CUL2: variants seen among roughly 807,000 people sequenced by gnomAD.
The protein encoded by CUL2 is cullin-2.
CUL2 carries 22 observed loss-of-function variants against 110.2 expected under a neutral mutation model. The observed-to-expected ratio is 0.20, with a 90% CI of 0.14 to 0.28. The LOEUF (loss-of-function observed/expected upper bound fraction) is 0.28, where lower values mean the gene tolerates loss of function less well. CUL2 is among the 10% of genes least tolerant of loss of function. The pLI, the probability that CUL2 is intolerant of heterozygous loss-of-function variation, is 1.00. For missense variants in CUL2, 631 were observed against 905.5 expected (o/e 0.70, Z 3.89); for synonymous variants, 279 against 293.2 (o/e 0.95, Z 0.49).
At chr10:35,065,457 A>G (rs2086493747) in intron 2 of CUL2, among the ~76,000 whole-genome samples, 1 of 152,058 alleles carries the variant, frequency 6.6e-6, no homozygotes, top group Non-Finnish European at 1.5e-5. Context: ...CATCTCTACT[A>G]AAACACAAAA....
chr10:35,041,205 T>C (rs903276336), intron 8 of CUL2, among the ~76,000 whole-genome samples: 1 of 152,248 alleles, frequency 6.6e-6, no homozygotes, highest in African/African-American at 2.4e-5. Context: ...CTATAGTGAC[T>C]TTAATCTGCT....
Position 35,038,991 on chromosome 10 carries a change from C to A in CUL2, c.806G>T (p.Arg269Leu). Residue 269 changes from arginine to leucine, a missense_variant, in exon 9 of 21, where the codon CGA becomes CTA. Around this residue, in one of 3 missense-constraint regions of CUL2, gnomAD observed 338 missense variants for 442.5 expected, o/e 0.76. Coordinates refer to ENST00000374749, the MANE Select transcript of CUL2 (RefSeq NM_003591.4). ...AAACTGTAAGTGGTCTGCTACCATT[C>A]GTTGTTGACATTCATGAATCACCTT... is the stretch of plus-strand genomic sequence containing the variant. ...YTKVIHECQQ[R>L]MVADHLQFLH... The A allele has an allele frequency of 1.9e-6, 3 of 1,609,862 alleles. No individual in the cohort carries two copies. Among genetic ancestry groups the A allele is most frequent in the Non-Finnish European group, 2.5e-6 (3 of 1,177,500 alleles).
chr10:35,018,124 A>AC (rs2085086037), intron 17 of CUL2, among the ~76,000 whole-genome samples: 1 of 148,062 alleles, frequency 6.8e-6, no homozygotes, highest in Non-Finnish European at 1.5e-5. Context: ...TAAAAATACA[A>AC]AAAAAAAAAA....
intron 5 of CUL2, 51 bp downstream of exon 5, chr10:35,054,383 C>T (rs1403948003): frequency 1.0e-6 from 1 of 958,086 alleles, no homozygotes; most frequent in Non-Finnish European, 1.6e-6. Flanking sequence ...CAAATTACCT[C>T]AGTGTATAAA....
chr10:35,126,856 T>C (rs1266199219), upstream of CUL2: 2 of 152,186 alleles, frequency 1.3e-5, no homozygotes, highest in Non-Finnish European at 2.9e-5. Flanking sequence ...ATTGTTGGAT[T>C]GTGGCGCTTC....
intron 1 of CUL2, among the ~76,000 whole-genome samples, chr10:35,082,801 G>A (rs1229930666): frequency 1.3e-5 from 2 of 152,118 alleles, no homozygotes; most frequent in African/African-American, 4.8e-5. Context: ...AGGACTACTT[G>A]GGGATCTTTC....
intron 1 of CUL2, among the ~76,000 whole-genome samples, chr10:35,109,760 C>A (rs1295976124): frequency 6.6e-6 from 1 of 152,172 alleles, no homozygotes. Context: ...AAGACCAAAG[C>A]CAAATCTTGT....
At position 35,054,452 on chromosome 10, in the gene CUL2, TG is replaced by T; in HGVS notation, c.404del (p.Pro135HisfsTer5). The T allele has an allele frequency of 6.3e-7, 1 of 1,574,806 alleles. No individual in the cohort carries two copies. The highest frequency in any genetic ancestry group is 1.4e-5 in the African/African-American group (1 of 73,108). On this transcript the variant is annotated frameshift_variant, in exon 5 of 21. Coordinates refer to ENST00000374749, the MANE Select transcript of CUL2 (RefSeq NM_003591.4). LOFTEE classifies it high-confidence loss of function. ...GTCCTACCTCTCCTATTTCCATAAG[TG>T]GTTCATTCATATCTACACCACCATA... ...YGYGGVDMNE[P>X]LMEIGELALD...
At chr10:35,117,075 A>G (rs542280179) in intron 1 of CUL2, among the ~76,000 whole-genome samples, 2 of 149,144 alleles carry the variant, frequency 1.3e-5, no homozygotes, top group South Asian at 4.4e-4. Context: ...TTCAAATTAC[A>G]GAGTATTTTT....
chr10:35,119,915 T>C (rs2087657916), intron 1 of CUL2: 1 of 152,162 alleles, frequency 6.6e-6, no homozygotes, highest in African/African-American at 2.4e-5. Context: ...CCTCAGACTA[T>C]ATTGCTCTCC....
chr10:35,028,978 C>T (rs2085401527), intron 15 of CUL2, 91 bp from the exon 16 acceptor site: 1 of 777,136 alleles, frequency 1.3e-6, no homozygotes, highest in Non-Finnish European at 2.0e-6. Flanking sequence ...GCATCTAAAA[C>T]ATTTTTTTCT....
intron 8 of CUL2, 86 bp downstream of exon 8, chr10:35,044,467 TTCCACCAAGAAAC>T: frequency 1.4e-6 from 1 of 692,060 alleles, no homozygotes; most frequent in Non-Finnish European, 2.3e-6. Flanking sequence ...CAGAATATTT[TTCCACCAAGAAAC>T]AAAACAAGAA....
intron 1 of CUL2, among the ~76,000 whole-genome samples, chr10:35,123,183 G>A (rs1363605982): frequency 9.7e-6 from 1 of 102,734 alleles, no homozygotes; most frequent in Non-Finnish European, 2.2e-5. Flanking sequence ...CAAAACAAAG[G>A]ACTTCATGCC....
chr10:35,052,278 T>G (rs1159910966), intron 5 of CUL2, among the ~76,000 whole-genome samples: 2 of 151,894 alleles, frequency 1.3e-5, no homozygotes, highest in Admixed American at 1.3e-4. Context: ...TGAATGGGGG[T>G]TGGGGAGGCA....
chr10:35,101,995 T>G (rs2087385987), intron 1 of CUL2, among the ~76,000 whole-genome samples: 1 of 152,194 alleles, frequency 6.6e-6, no homozygotes, highest in South Asian at 2.1e-4. Flanking sequence ...ATTACAGGTG[T>G]GAGCCATTGC....
intron 4 of CUL2, among the ~76,000 whole-genome samples, chr10:35,058,253 C>T (rs2086292153): frequency 6.6e-6 from 1 of 152,082 alleles, no homozygotes; most frequent in South Asian, 2.1e-4. Flanking sequence ...GGAATTTAAC[C>T]TTGGAGGCTG....
chr10:35,054,565 G>A, intron 4 of CUL2, 26 bp from the exon 5 acceptor site: 1 of 1,292,858 alleles, frequency 7.7e-7, no homozygotes, highest in Non-Finnish European at 1.1e-6. Context: ...AATATCAATG[G>A]ATATTAAGTT....
chr10:35,105,834 A>G (rs1480213691), intron 1 of CUL2, among the ~76,000 whole-genome samples: 1 of 152,070 alleles, frequency 6.6e-6, no homozygotes, highest in Non-Finnish European at 1.5e-5. Flanking sequence ...CTGAAAAAAA[A>G]AAAAAAAAGT....
chr10:35,075,834 T>C (rs1447181097), intron 1 of CUL2, among the ~76,000 whole-genome samples: 1 of 152,188 alleles, frequency 6.6e-6, no homozygotes, highest in Non-Finnish European at 1.5e-5. Flanking sequence ...CAGCATAATT[T>C]CTAAATATGC....
Sources: gnomAD v4.1 joint callset for allele counts (sites outside exome capture counted in the v4.1 genomes callset) on GRCh38, gnomAD v4.1.1 for gene constraint, gnomAD v4.1.1 regional missense constraint, MANE v1.5 for transcripts, NCBI Gene and HGNC (gene_info 2026-07-23, HGNC 2026-07-21) for gene names.